The following SCN2A variants were observed in gnomAD, a reference collection of about 807,000 sequenced individuals.
SCN2A encodes sodium channel protein type 2 subunit alpha.
SCN2A carries 20 observed loss-of-function variants against 188.7 expected under a neutral mutation model. The observed-to-expected ratio is 0.11, with a 90% confidence interval of 0.07 to 0.15. The LOEUF (loss-of-function observed/expected upper bound fraction) is 0.15. Ranked by LOEUF, SCN2A falls within the 10% of genes least tolerant of loss-of-function variation. The probability of loss-of-function intolerance (pLI) is 1.00; values close to 1 mark genes in which losing one functional copy is unlikely to be tolerated. For synonymous variants in SCN2A, 804 were observed against 833.1 expected (o/e 0.97, Z 0.60); for missense variants, 1,278 against 2,445.0 (o/e 0.52, Z 10.07).
At chr2:165,361,742 C>CTA (rs1203381721) in intron 17 of SCN2A, among the ~76,000 whole-genome samples, 1 of 151,958 alleles carries the variant, frequency 6.6e-6, no homozygotes, top group African/African-American at 2.4e-5. Context: ...ATCACTGGAG[C>CTA]TATAGATCCT....
intron 14 of SCN2A, among the ~76,000 whole-genome samples, chr2:165,336,137 T>C (rs1664765854): frequency 6.6e-6 from 1 of 151,934 alleles, no homozygotes; most frequent in African/African-American, 2.4e-5. Flanking sequence ...AGAATGGTTA[T>C]GCTTTACTTT....
chr2:165,367,267 G>T lies in SCN2A; in HGVS notation c.3571G>T (p.Gly1191Trp). 6.2e-7 allele frequency: 1 copy of T among 1,614,126 alleles called. No individual in the cohort carries two copies. The highest frequency in any genetic ancestry group is 2.2e-5 in the East Asian group (1 of 44,866). The change falls in exon 19 of 27, where the codon GGG becomes TGG. Residue 1191 changes from glycine (G) to tryptophan (W), a missense_variant. Gly to Trp is a radical substitution (Grantham distance 184). Coordinates refer to ENST00000375437, the MANE Select transcript of SCN2A (RefSeq NM_001040142.2). ...CCQISIEEGK[G>W]KLWWNLRKTC... is the part of the protein sequence containing the mutation. ...TCAGATAAGCATAGAAGAAGGCAAA[G>T]GGAAACTCTGGTGGAATTTGAGGAA...
chr2:165,258,891 C>A (rs536929408), intron 1 of SCN2A, among the ~76,000 whole-genome samples: 2 of 152,270 alleles, frequency 1.3e-5, no homozygotes, highest in East Asian at 3.9e-4. Flanking sequence ...AGTGAGAACT[C>A]ATGGACACAA....
At chr2:165,296,977 A>G (rs371039311) in intron 2 of SCN2A, 40 bp from the exon 3 acceptor site, 15 of 1,025,104 alleles carry the variant, frequency 1.5e-5, no homozygotes, top group Non-Finnish European at 2.2e-5. Flanking sequence ...CTTAATATAT[A>G]TTCTAAGTTT....
In SCN2A at chr2:165,365,237, T is replaced by A. The variant is rs1700661977; in HGVS notation, c.3494T>A (p.Leu1165His). Residue 1165 changes from leucine to histidine, a missense_variant, in exon 18 of 27, where the codon CTT (leucine) becomes CAT (histidine). Leu to His is a moderately conservative substitution (Grantham distance 99). Around this residue, in one of 17 missense-constraint regions of SCN2A, gnomAD observed 228 missense variants for 297.3 expected, o/e 0.77. Coordinates refer to ENST00000375437, the MANE Select transcript of SCN2A (RefSeq NM_001040142.2). ...CCTGAGGTTGAACCTGAGGAATCCCTTGAACCTGAAGCCTGTTTTACAGAA... is the reference window on the plus strand; with the variant it reads ...CCTGAGGTTGAACCTGAGGAATCCCATGAACCTGAAGCCTGTTTTACAGAA... ...EQPEVEPEES[L>H]EPEACFTEDC... 6.2e-7 allele frequency: 1 copy of A among 1,614,010 alleles called. No homozygotes were observed.
intron 25 of SCN2A, among the ~76,000 whole-genome samples, chr2:165,384,791 A>G: frequency 6.6e-6 from 1 of 152,182 alleles, no homozygotes; most frequent in East Asian, 1.9e-4. Context: ...GTTAGAATTC[A>G]TGAGACAGAG....
chr2:165,364,124 T>A (rs1478162637), intron 17 of SCN2A, among the ~76,000 whole-genome samples: 2 of 152,198 alleles, frequency 1.3e-5, no homozygotes, highest in East Asian at 3.9e-4. Flanking sequence ...TTTTATCATG[T>A]GCTTACCTCA....
chr2:165,290,803 C>G, intron 1 of SCN2A: 1 of 984,014 alleles, frequency 1.0e-6, no homozygotes, highest in Non-Finnish European at 1.2e-6. Flanking sequence ...TCTTGCCTGG[C>G]CAGTATACAT....
In SCN2A at chr2:165,377,632, A is replaced by C. The variant is rs1701383748; in HGVS notation, c.4290A>C (p.Ala1430=). The change falls in exon 23 of 27, where the codon GCA becomes GCC. Residue 1430 remains alanine, a synonymous_variant. Coordinates refer to ENST00000375437, the MANE Select transcript of SCN2A (RefSeq NM_001040142.2). Reference sequence around the variant, plus strand: ...AGGGATGGATGGATATTATGTATGCAGCTGTTGATTCACGAAATGTAAGTC... The same window carrying C: ...AGGGATGGATGGATATTATGTATGCCGCTGTTGATTCACGAAATGTAAGTC... ...TFKGWMDIMY[A]AVDSRNVELQ... The C allele has an allele frequency of 6.2e-7, 1 of 1,607,556 alleles. No individual in the cohort carries two copies. The highest frequency in any genetic ancestry group is 1.1e-5 in the South Asian group (1 of 90,000).
intron 11 of SCN2A, among the ~76,000 whole-genome samples, chr2:165,322,552 A>G (rs1482791212): frequency 6.6e-6 from 1 of 152,252 alleles, no homozygotes; most frequent in African/African-American, 2.4e-5. Flanking sequence ...GGAATAAATC[A>G]TACAGTTATT....
intron 1 of SCN2A, among the ~76,000 whole-genome samples, chr2:165,243,982 T>C (rs1394882806): frequency 1.3e-5 from 2 of 152,144 alleles, no homozygotes; most frequent in African/African-American, 4.8e-5. Flanking sequence ...ACCGTGGCTC[T>C]TGCTTATAAT....
At chr2:165,353,280 C>T (rs1024724444) in intron 16 of SCN2A, among the ~76,000 whole-genome samples, 3 of 152,070 alleles carry the variant, frequency 2.0e-5, no homozygotes, top group South Asian at 4.1e-4. Flanking sequence ...CCATAATTGT[C>T]TTAATAAAAA....
chr2:165,288,731 CATGTGT>C (rs1220198136), intron 1 of SCN2A, among the ~76,000 whole-genome samples: 3 of 132,292 alleles, frequency 2.3e-5, no homozygotes, highest in South Asian at 2.5e-4. Context: ...GATACATATA[CATGTGT>C]GTGTGTGTGT....
chr2:165,321,686 T>C (rs1698085362), intron 11 of SCN2A, among the ~76,000 whole-genome samples: 2 of 152,116 alleles, frequency 1.3e-5, no homozygotes, highest in African/African-American at 2.4e-5. Context: ...TTAGATCTCA[T>C]GAGACTTATT....
chr2:165,324,976 C>G (rs1698274552), intron 12 of SCN2A, among the ~76,000 whole-genome samples: 1 of 152,216 alleles, frequency 6.6e-6, no homozygotes, highest in South Asian at 2.1e-4. Flanking sequence ...CTTCTTAAAA[C>G]TAGAGATTCC....
At chr2:165,284,111 C>G (rs1043194255) in intron 1 of SCN2A, among the ~76,000 whole-genome samples, 2 of 152,010 alleles carry the variant, frequency 1.3e-5, no homozygotes, top group Non-Finnish European at 2.9e-5. Flanking sequence ...CACAGGCATG[C>G]ATACATACAC....
intron 16 of SCN2A, among the ~76,000 whole-genome samples, chr2:165,351,573 C>CA (rs11286913): frequency 3.5e-4 from 51 of 145,490 alleles, no homozygotes; most frequent in African/African-American, 1.0e-3. Context: ...GTTAGACTTT[C>CA]AAAAAAAAAA....
intron 1 of SCN2A, among the ~76,000 whole-genome samples, chr2:165,293,604 T>C (rs960863775): frequency 2.0e-4 from 30 of 152,176 alleles, no homozygotes. Context: ...GTCATATATG[T>C]GATCTGTCAT....
chr2:165,335,923 A>T (rs1302718389), intron 14 of SCN2A, among the ~76,000 whole-genome samples: 1 of 151,926 alleles, frequency 6.6e-6, no homozygotes, highest in Non-Finnish European at 1.5e-5. Context: ...AACTCACTAA[A>T]AATGATCAAA....
Sources: allele counts gnomAD v4.1 joint callset (sites outside exome capture counted in the v4.1 genomes callset), GRCh38; gene constraint gnomAD v4.1.1; regional missense constraint gnomAD v4.1.1; transcripts MANE v1.5; gene names NCBI Gene and HGNC (gene_info 2026-07-23, HGNC 2026-07-21).